The following EPHA6 variants were observed in gnomAD, a reference collection of about 807,000 sequenced individuals.
EPHA6 encodes the protein EPH receptor A6, also known as ephrin type-A receptor 6.
A neutral mutation model predicts 112.0 loss-of-function variants in EPHA6; 50 were observed. The ratio of observed to expected loss-of-function variants is 0.45; its 90% CI spans 0.36 to 0.56. EPHA6 has a LOEUF of 0.56. Among genes scored for constraint, EPHA6 ranks in the 20% least tolerant of loss-of-function variants. EPHA6 has a pLI of 0.00. For missense variants in EPHA6, 1,280 were observed against 1,417.4 expected, an observed-to-expected ratio of 0.90 and a Z score of 1.56; for synonymous variants, 529 against 490.7, an observed-to-expected ratio of 1.08 and a Z score of -1.03.
At chr3:97,517,316 TAGAA>T (rs2092462789) in intron 10 of EPHA6, among the ~76,000 whole-genome samples, 2 of 152,046 alleles carry the variant, frequency 1.3e-5, no homozygotes, top group East Asian at 3.9e-4. Context: ...AAGAGGGTGT[TAGAA>T]AGAACCAATT....
chr3:97,482,902 G>A (rs1192081092), intron 9 of EPHA6, among the ~76,000 whole-genome samples: 5 of 152,044 alleles, frequency 3.3e-5, no homozygotes, highest in Middle Eastern at 3.4e-3. Flanking sequence ...TAAGATATTC[G>A]GAACGATAGA....
chr3:97,466,300 A>G (rs779714892), intron 7 of EPHA6: 1 of 1,444,242 alleles, frequency 6.9e-7, no homozygotes, highest in Non-Finnish European at 9.7e-7. Context: ...CAAGCAACAT[A>G]ATAAACAATG....
At chr3:97,312,964 T>C (rs903851981) in intron 5 of EPHA6, among the ~76,000 whole-genome samples, 10 of 151,498 alleles carry the variant, frequency 6.6e-5, no homozygotes, top group African/African-American at 2.4e-4. Flanking sequence ...ATATACATTA[T>C]TATTAACTGT....
intron 13 of EPHA6, among the ~76,000 whole-genome samples, chr3:97,623,800 AG>A (rs2093832614): frequency 6.6e-6 from 1 of 151,734 alleles, no homozygotes; most frequent in Non-Finnish European, 1.5e-5. Flanking sequence ...CATACATCCA[AG>A]CCATAGCAAT....
rs1336912182 is a variant in EPHA6, at chr3:97,750,503, C to G, written c.*1802C>G. The stretch of plus-strand genomic sequence containing the variant: ...ACCCGAGTAGCTGGGATTACAGGCG[C>G]CTGCCACCACTCCCGGCTAATTTTT... On this transcript the variant is annotated 3_prime_UTR_variant, in exon 18 of 18. Coordinates refer to ENST00000389672, the MANE Select transcript of EPHA6 (RefSeq NM_001080448.3). Among the ~76,000 whole-genome samples the G allele has an allele frequency of 2.0e-5, 3 of 151,868 alleles. No individual in the cohort carries two copies. The highest frequency in any genetic ancestry group is 6.6e-5 in the Admixed American group (1 of 15,250).
At chr3:97,173,797 T>C (rs973305461) in intron 3 of EPHA6, among the ~76,000 whole-genome samples, 2 of 151,852 alleles carry the variant, frequency 1.3e-5, no homozygotes, top group Non-Finnish European at 2.9e-5. Context: ...GTACATGAGA[T>C]GTTTTGACAC....
chr3:96,963,720 G>A (rs968520290), intron 2 of EPHA6, among the ~76,000 whole-genome samples: 1 of 152,154 alleles, frequency 6.6e-6, no homozygotes, highest in South Asian at 2.1e-4. Context: ...ATACAAAGTG[G>A]TGGGAATAAA....
intron 6 of EPHA6, 116 bp from the exon 7 acceptor site, chr3:97,448,452 G>T (rs1270785052): frequency 9.2e-7 from 1 of 1,084,432 alleles, no homozygotes; most frequent in Non-Finnish European, 1.3e-6. Flanking sequence ...ACACTACTTT[G>T]TAATCAATAC....
At chr3:97,348,130 C>A (rs1249008326) in intron 5 of EPHA6, among the ~76,000 whole-genome samples, 1 of 151,896 alleles carries the variant, frequency 6.6e-6, no homozygotes, top group Non-Finnish European at 1.5e-5. Context: ...TGTGTGAAAA[C>A]GACTGCAGGG....
At chr3:97,094,558 C>A (rs1433227790) in intron 3 of EPHA6, among the ~76,000 whole-genome samples, 4 of 152,112 alleles carry the variant, frequency 2.6e-5, no homozygotes, top group Admixed American at 2.6e-4. Context: ...TAGTGCTAGG[C>A]AGCTATTTAT....
At chr3:96,993,666 C>T (rs1057223487) in intron 3 of EPHA6, among the ~76,000 whole-genome samples, 6 of 152,170 alleles carry the variant, frequency 3.9e-5, no homozygotes, top group Non-Finnish European at 7.3e-5. Flanking sequence ...ATTAGGCCTG[C>T]TCTGCCTTCT....
At chr3:97,131,612 A>G (rs2075624463) in intron 3 of EPHA6, among the ~76,000 whole-genome samples, 2 of 152,162 alleles carry the variant, frequency 1.3e-5, no homozygotes, top group Admixed American at 1.3e-4. Flanking sequence ...TTATGTACAC[A>G]TGACCTTATT....
intron 3 of EPHA6, among the ~76,000 whole-genome samples, chr3:97,155,089 T>G (rs2076259198): frequency 6.6e-6 from 1 of 152,138 alleles, no homozygotes; most frequent in Admixed American, 6.5e-5. Flanking sequence ...TAAGAGATAA[T>G]TAGAAGATCA....
intron 2 of EPHA6, among the ~76,000 whole-genome samples, chr3:96,980,766 A>G (rs1454458251): frequency 6.6e-6 from 1 of 152,176 alleles, no homozygotes; most frequent in East Asian, 1.9e-4. Context: ...GGTTCTTCAC[A>G]TCCCTGGTAA....
At chr3:96,907,554 A>G (rs902535530) in intron 2 of EPHA6, among the ~76,000 whole-genome samples, 3 of 151,636 alleles carry the variant, frequency 2.0e-5, no homozygotes, top group African/African-American at 7.3e-5. Flanking sequence ...CATCTTTTGT[A>G]TGCATCTTAT....
intron 5 of EPHA6, among the ~76,000 whole-genome samples, chr3:97,336,058 C>T (rs2083040976): frequency 6.6e-6 from 1 of 152,120 alleles, no homozygotes; most frequent in Non-Finnish European, 1.5e-5. Context: ...AATAATGATG[C>T]TATCTCCAGG....
intron 2 of EPHA6, among the ~76,000 whole-genome samples, chr3:96,930,948 C>T (rs1391138308): frequency 3.6e-5 from 4 of 112,154 alleles, no homozygotes; most frequent in Non-Finnish European, 5.0e-5. Context: ...GCCAAGGTCA[C>T]AACATTGCAC....
intron 2 of EPHA6, among the ~76,000 whole-genome samples, chr3:96,982,575 T>C (rs1425108016): frequency 6.6e-6 from 1 of 152,200 alleles, no homozygotes; most frequent in Non-Finnish European, 1.5e-5. Context: ...TTAGGTCCGC[T>C]TGGTGCAGAG....
At chr3:97,671,542 A>G (rs975866120) in intron 14 of EPHA6, among the ~76,000 whole-genome samples, 1 of 152,184 alleles carries the variant, frequency 6.6e-6, no homozygotes, top group Non-Finnish European at 1.5e-5. Context: ...AGCATATTCA[A>G]TTAGATTATG....
Sources: gnomAD v4.1 joint callset for allele counts (sites outside exome capture counted in the v4.1 genomes callset) on GRCh38, gnomAD v4.1.1 for gene constraint, MANE v1.5 for transcripts, NCBI Gene and HGNC (gene_info 2026-07-23, HGNC 2026-07-21) for gene names.